Variants in PPP6C observed in about 807,000 individuals in gnomAD.
PPP6C encodes the protein protein phosphatase 6 catalytic subunit.
In PPP6C, 11 loss-of-function variants were observed where a neutral mutation model predicts 39.8. The ratio of observed to expected loss-of-function variants is 0.28; its 90% CI spans 0.17 to 0.46. The LOEUF is 0.46. Ranked by LOEUF, PPP6C falls within the 20% of genes least tolerant of loss-of-function variation. The pLI, the probability that PPP6C is intolerant of heterozygous loss-of-function variation, is 1.00. For synonymous variants in PPP6C, 129 were observed against 130.3 expected, an observed-to-expected ratio of 0.99 and a Z score of 0.07; for missense variants, 211 against 373.9, an observed-to-expected ratio of 0.56 and a Z score of 3.59.
At chr9:125,150,194 GT>G (rs1434735265) in intron 6 of PPP6C, among the ~76,000 whole-genome samples, 1 of 152,086 alleles carries the variant, frequency 6.6e-6, no homozygotes, top group Non-Finnish European at 1.5e-5. Context: ...AAAATTTTGT[GT>G]TTTCTGATTT....
chr9:125,157,459 A>T (rs1836107945), intron 4 of PPP6C, among the ~76,000 whole-genome samples: 1 of 152,184 alleles, frequency 6.6e-6, no homozygotes, highest in Admixed American at 6.5e-5. Context: ...TGGTATATGA[A>T]GCAGCCATGA....
chr9:125,173,404 CAAA>C (rs1157793278), intron 1 of PPP6C, among the ~76,000 whole-genome samples: 656 of 50,702 alleles, frequency 0.013, 6 homozygotes, highest in African/African-American at 0.045. Context: ...GACTCCCTCT[CAAA>C]AAAAAAAAAA....
chr9:125,187,326 T>C (rs576403642), intron 1 of PPP6C, among the ~76,000 whole-genome samples: 1 of 151,600 alleles, frequency 6.6e-6, no homozygotes, highest in Non-Finnish European at 1.5e-5. Flanking sequence ...TCTCCCAGGC[T>C]GGAGTACAGT....
intron 1 of PPP6C, among the ~76,000 whole-genome samples, chr9:125,178,544 T>C (rs1829354708): frequency 6.6e-6 from 1 of 152,204 alleles, no homozygotes; most frequent in African/African-American, 2.4e-5. Flanking sequence ...ACCAGGCAAG[T>C]AGGCTACAGT....
intron 4 of PPP6C, 68 bp downstream of exon 4, chr9:125,158,173 T>C (rs1836127332): frequency 1.4e-6 from 2 of 1,451,586 alleles, no homozygotes; most frequent in Non-Finnish European, 1.9e-6. Flanking sequence ...GTGTATGACT[T>C]GTGTAGCTTT....
chr9:125,159,788 C>A (rs1277857875), intron 3 of PPP6C, among the ~76,000 whole-genome samples: 1 of 152,136 alleles, frequency 6.6e-6, no homozygotes, highest in Non-Finnish European at 1.5e-5. Context: ...AAGGCAGGGG[C>A]CGAGGTGGGC....
At chr9:125,154,422 G>A (rs747028414) in intron 4 of PPP6C, among the ~76,000 whole-genome samples, 4 of 152,152 alleles carry the variant, frequency 2.6e-5, no homozygotes, top group Non-Finnish European at 4.4e-5. Flanking sequence ...TTTCAGCTCC[G>A]TTTTATCTAT....
At chr9:125,171,479 AT>A (rs1829159882) in intron 1 of PPP6C, among the ~76,000 whole-genome samples, 1 of 12,436 alleles carries the variant, frequency 8.0e-5, no homozygotes, top group African/African-American at 3.9e-4. Context: ...ACACACACAC[AT>A]ATATATATAT....
At chr9:125,186,766 A>T (rs1334825452) in intron 1 of PPP6C, among the ~76,000 whole-genome samples, 1 of 151,752 alleles carries the variant, frequency 6.6e-6, no homozygotes, top group Non-Finnish European at 1.5e-5. Context: ...CACCAAAAAA[A>T]AGATTAAAAA....
intron 6 of PPP6C, among the ~76,000 whole-genome samples, chr9:125,153,260 A>G (rs946680322): frequency 1.3e-5 from 2 of 152,146 alleles, no homozygotes; most frequent in Non-Finnish European, 2.9e-5. Context: ...TAGGCGACAG[A>G]GCAAGACTCC....
intron 1 of PPP6C, among the ~76,000 whole-genome samples, chr9:125,184,894 G>C (rs1462858789): frequency 6.6e-6 from 1 of 150,448 alleles, no homozygotes; most frequent in African/African-American, 2.5e-5. Context: ...TTGAACCCAG[G>C]AGGTGGAGAC....
At position 125,160,896 on chromosome 9, in the gene PPP6C, A is replaced by G; in HGVS notation, c.182T>C (p.Leu61Pro). 1 of 1,578,802 alleles carries G rather than the reference A, an allele frequency of 6.3e-7. No homozygotes were observed. Among genetic ancestry groups the G allele is most frequent in the African/African-American group, 1.4e-5 (1 of 73,150 alleles). ...ACCTCCAGTTCTGAACAGTTCACAA[A>G]GGTCATAAAACTATAAAAGAAATGC... ...CGDIHGQFYD[L>P]CELFRTGGQV... The change falls in exon 3 of 7, where the codon CTT becomes CCT. Residue 61 changes from leucine (L) to proline (P), a missense_variant. By Grantham distance (98) the Leu-to-Pro change is moderately conservative (BLOSUM62 -3). Coordinates refer to ENST00000373547, the MANE Select transcript of PPP6C (RefSeq NM_002721.5).
At chr9:125,175,176 C>T (rs1829269276) in intron 1 of PPP6C, among the ~76,000 whole-genome samples, 1 of 151,820 alleles carries the variant, frequency 6.6e-6, no homozygotes, top group South Asian at 2.1e-4. Flanking sequence ...CATTGCACTC[C>T]AGCCTGGGTG....
In PPP6C at chr9:125,149,563, C is replaced by A; in HGVS notation, c.*110G>T. Reference sequence around the variant, plus strand: ...AATTTAAAAAAAAAAAGGCAAGAGGCAGCATTTCAGCAGCAAAGTGCTCAA... The same window carrying A: ...AATTTAAAAAAAAAAAGGCAAGAGGAAGCATTTCAGCAGCAAAGTGCTCAA... On this transcript the variant is annotated 3_prime_UTR_variant, in exon 7 of 7. Coordinates refer to ENST00000373547, the MANE Select transcript of PPP6C (RefSeq NM_002721.5). The A allele has an allele frequency of 1.2e-5, 14 of 1,215,892 alleles. No homozygotes were observed. The highest frequency in any genetic ancestry group is 7.6e-5 in the East Asian group (3 of 39,456). 75.3% of individuals were successfully genotyped at this position (1,215,892 alleles called of 1,614,324 possible).
In PPP6C at chr9:125,189,754, G is replaced by C; in HGVS notation, c.-36C>G. 1 of 1,554,130 alleles carries C rather than the reference G, an allele frequency of 6.4e-7. No homozygotes were observed. The highest frequency in any genetic ancestry group is 8.7e-7 in the Non-Finnish European group (1 of 1,151,412). On this transcript the variant is annotated 5_prime_UTR_variant, in exon 1 of 7. Coordinates refer to ENST00000373547, the MANE Select transcript of PPP6C (RefSeq NM_002721.5). ...ACAAGCCGCGGCAACAGCGGCGGCG[G>C]CGGCTGTAGCAGCGGCGGCGGCAGC...
intron 4 of PPP6C, among the ~76,000 whole-genome samples, chr9:125,155,581 TATA>T (rs1349674481): frequency 1.3e-5 from 2 of 152,200 alleles, no homozygotes; most frequent in Non-Finnish European, 2.9e-5. Flanking sequence ...ATATAAGTCC[TATA>T]ATAACTAAAA....
At chr9:125,156,596 G>A (rs1435731970) in intron 4 of PPP6C, among the ~76,000 whole-genome samples, 1 of 152,108 alleles carries the variant, frequency 6.6e-6, no homozygotes, top group Non-Finnish European at 1.5e-5. Flanking sequence ...AATGAAAGAA[G>A]ATAATTCAAA....
At chr9:125,187,098 C>T (rs1829546849) in intron 1 of PPP6C, among the ~76,000 whole-genome samples, 1 of 151,276 alleles carries the variant, frequency 6.6e-6, no homozygotes, top group Admixed American at 6.6e-5. Context: ...AAGCACCTGC[C>T]ACCACCTCCA....
intron 5 of PPP6C, 30 bp downstream of exon 5, chr9:125,153,876 G>T: frequency 6.4e-7 from 1 of 1,560,180 alleles, no homozygotes; most frequent in Non-Finnish European, 8.8e-7. Context: ...TGGCAGGAAC[G>T]TACATGAGAC....
Sources: allele counts gnomAD v4.1 joint callset (sites outside exome capture counted in the v4.1 genomes callset), GRCh38; gene constraint gnomAD v4.1.1; transcripts MANE v1.5; gene names NCBI Gene and HGNC (gene_info 2026-07-23, HGNC 2026-07-21).